The following GABBR2 variants were observed in gnomAD, a reference collection of about 807,000 sequenced individuals.
The protein encoded by GABBR2 is gamma-aminobutyric acid type B receptor subunit 2.
A neutral mutation model predicts 105.6 loss-of-function variants in GABBR2; 23 were observed. The ratio of observed to expected loss-of-function variants is 0.22; its 90% CI spans 0.16 to 0.31. The LOEUF (loss-of-function observed/expected upper bound fraction) is 0.31, where lower values mean the gene tolerates loss of function less well. Ranked by LOEUF, GABBR2 falls within the 10% of genes least tolerant of loss-of-function variation. The probability of loss-of-function intolerance (pLI) is 1.00; values close to 1 mark genes in which losing one functional copy is unlikely to be tolerated. For synonymous variants in GABBR2, 478 were observed against 499.7 expected (o/e 0.96, Z 0.58); for missense variants, 734 against 1,245.5 (o/e 0.59, Z 6.18).
intron 9 of GABBR2, among the ~76,000 whole-genome samples, chr9:98,390,979 T>A (rs760635419): frequency 3.9e-5 from 6 of 152,182 alleles, no homozygotes; most frequent in South Asian, 2.1e-4. Context: ...TGGTTTATCA[T>A]GAGTATTAGT....
At chr9:98,496,298 G>A (rs1260660706) in intron 4 of GABBR2, 115 bp downstream of exon 4, 1 of 706,978 alleles carries the variant, frequency 1.4e-6, no homozygotes, top group Non-Finnish European at 2.6e-6. Flanking sequence ...GGATGCCAAG[G>A]TGGAAATGAA....
intron 1 of GABBR2, among the ~76,000 whole-genome samples, chr9:98,621,829 C>A (rs867194485): frequency 6.6e-6 from 1 of 152,138 alleles, no homozygotes. Context: ...ATATCCGGTG[C>A]TGAAAGCCTC....
chr9:98,399,092 A>G (rs1832344249), intron 8 of GABBR2, among the ~76,000 whole-genome samples: 1 of 152,100 alleles, frequency 6.6e-6, no homozygotes, highest in Admixed American at 6.5e-5. Context: ...GTAGTGGCTC[A>G]TGCCTGTAAT....
intron 4 of GABBR2, among the ~76,000 whole-genome samples, chr9:98,487,683 T>C (rs143317978): frequency 0.029 from 4,343 of 151,780 alleles, 228 homozygotes; most frequent in African/African-American, 0.099. Context: ...GAGGCTGAGG[T>C]GGGAGGATTG....
chr9:98,708,305 G>A, intron 1 of GABBR2, 112 bp downstream of exon 1: 1 of 1,136,586 alleles, frequency 8.8e-7, no homozygotes, highest in South Asian at 2.5e-5. Context: ...GCCCTCGGCA[G>A]GCGCGGGCCG....
intron 4 of GABBR2, among the ~76,000 whole-genome samples, chr9:98,491,139 T>C (rs978759057): frequency 1.3e-5 from 2 of 152,158 alleles, no homozygotes; most frequent in African/African-American, 4.8e-5. Flanking sequence ...TTTAAAGCAA[T>C]AATAGTCCGT....
At chr9:98,632,469 C>T (rs1442604257) in intron 1 of GABBR2, among the ~76,000 whole-genome samples, 1 of 152,208 alleles carries the variant, frequency 6.6e-6, no homozygotes, top group Non-Finnish European at 1.5e-5. Flanking sequence ...CCCCCTCCTC[C>T]TGGACCTGAG....
intron 1 of GABBR2, among the ~76,000 whole-genome samples, chr9:98,690,284 G>C (rs1214947460): frequency 1.3e-5 from 2 of 152,128 alleles, no homozygotes; most frequent in Non-Finnish European, 2.9e-5. Context: ...CCAAATTTCA[G>C]GAACCAGGAC....
At chr9:98,692,815 C>T (rs1830700219) in intron 1 of GABBR2, among the ~76,000 whole-genome samples, 1 of 152,230 alleles carries the variant, frequency 6.6e-6, no homozygotes, top group African/African-American at 2.4e-5. Flanking sequence ...ATTACAAATG[C>T]TGTGCAGTGC....
chr9:98,614,743 G>C (rs999713460), intron 1 of GABBR2, among the ~76,000 whole-genome samples: 1 of 151,848 alleles, frequency 6.6e-6, no homozygotes, highest in Non-Finnish European at 1.5e-5. Context: ...AGGGAAGAAG[G>C]GGGAAAGGAG....
chr9:98,412,755 T>C (rs1048125042), intron 7 of GABBR2, among the ~76,000 whole-genome samples: 7 of 152,210 alleles, frequency 4.6e-5, no homozygotes, highest in Non-Finnish European at 7.3e-5. Flanking sequence ...GAAGAAATCA[T>C]GTAACTTAGC....
intron 3 of GABBR2, among the ~76,000 whole-genome samples, chr9:98,508,332 G>A (rs544908008): frequency 6.6e-5 from 10 of 152,358 alleles, no homozygotes; most frequent in East Asian, 1.9e-4. Flanking sequence ...AGTTCCCAGC[G>A]TGAGCGATGC....
intron 2 of GABBR2, among the ~76,000 whole-genome samples, chr9:98,552,917 C>A (rs1051169352): frequency 3.3e-5 from 5 of 152,078 alleles, no homozygotes; most frequent in African/African-American, 1.2e-4. Context: ...CACTCTGTCA[C>A]CCAGACTGGG....
intron 4 of GABBR2, among the ~76,000 whole-genome samples, chr9:98,484,379 C>T (rs745862641): frequency 6.6e-6 from 1 of 152,180 alleles, no homozygotes; most frequent in Non-Finnish European, 1.5e-5. Context: ...AGAGCTCTCA[C>T]TTTGGTTCTC....
At chr9:98,349,921 C>CT (rs970610729) in intron 13 of GABBR2, among the ~76,000 whole-genome samples, 2 of 152,064 alleles carry the variant, frequency 1.3e-5, no homozygotes, top group African/African-American at 4.8e-5. Flanking sequence ...GGATTCAATT[C>CT]TGTTACTCAT....
chr9:98,346,640 A>T (rs915159879), intron 13 of GABBR2, among the ~76,000 whole-genome samples: 5 of 152,316 alleles, frequency 3.3e-5, no homozygotes, highest in East Asian at 1.9e-4. Flanking sequence ...AACCGTATTC[A>T]TCCTGCAGTG....
rs9299286 is a variant in GABBR2, at chr9:98,339,284, CAAAAA to C, written c.1893+23426_1893+23430del. On this transcript the variant is annotated intron_variant, in intron 13 of 18. Transcript: ENST00000259455. ...ATTTTATGATATGTGAATTATATCT[CAAAAA>C]AAAAAAAAAAAAAGAAACAAAAAGA... Among the ~76,000 whole-genome samples the C allele has an allele frequency of 1.7e-3, 232 of 133,670 alleles. 1 individual carries two copies. The highest frequency in any genetic ancestry group is 2.7e-3 in the Non-Finnish European group (161 of 60,224). The allele number at this position is 133,670 out of a possible 152,430, so 87.7% of individuals were successfully genotyped here.
At chr9:98,591,113 G>A (rs536082492) in intron 1 of GABBR2, among the ~76,000 whole-genome samples, 2 of 152,170 alleles carry the variant, frequency 1.3e-5, no homozygotes, top group African/African-American at 2.4e-5. Flanking sequence ...CAAAAGTCAC[G>A]CAAAAAAGGA....
chr9:98,479,292 GA>G (rs1459854964), intron 5 of GABBR2, among the ~76,000 whole-genome samples: 2 of 152,186 alleles, frequency 1.3e-5, no homozygotes, highest in Non-Finnish European at 2.9e-5. Context: ...GGTATCTGCT[GA>G]GGGTTCACTG....
Sources: allele counts gnomAD v4.1 joint callset (sites outside exome capture counted in the v4.1 genomes callset), GRCh38; gene constraint gnomAD v4.1.1; transcripts MANE v1.5; gene names NCBI Gene and HGNC (gene_info 2026-07-23, HGNC 2026-07-21).